Variants in FBXL5 observed in about 807,000 individuals in gnomAD.
FBXL5 encodes F-box/LRR-repeat protein 5.
In FBXL5, 26 loss-of-function variants were observed where a neutral mutation model predicts 78.3. The ratio of observed to expected loss-of-function variants is 0.33; its 90% CI spans 0.24 to 0.46. The LOEUF (loss-of-function observed/expected upper bound fraction) is 0.46, where lower values mean the gene tolerates loss of function less well. Among genes scored for constraint, FBXL5 ranks in the 20% least tolerant of loss-of-function variants. The pLI is 1.00. For missense variants in FBXL5, 710 were observed against 829.2 expected, an observed-to-expected ratio of 0.86 and a Z score of 1.77; for synonymous variants, 295 against 282.5, an observed-to-expected ratio of 1.04 and a Z score of -0.45.
intron 5 of FBXL5, among the ~76,000 whole-genome samples, chr4:15,635,528 TG>T (rs1314794529): frequency 6.6e-6 from 1 of 151,958 alleles, no homozygotes; most frequent in African/African-American, 2.4e-5. Flanking sequence ...CCAAGGCAGG[TG>T]GATCACCAGA....
At chr4:15,643,906 T>A (rs1351696409) in intron 2 of FBXL5, among the ~76,000 whole-genome samples, 2 of 152,204 alleles carry the variant, frequency 1.3e-5, no homozygotes, top group Non-Finnish European at 2.9e-5. Flanking sequence ...GTGAGTAGCA[T>A]TCATTATAAA....
chr4:15,681,482 G>T, exon 1 of FBXL5: 1 of 165,380 alleles, frequency 6.0e-6, no homozygotes, highest in South Asian at 1.8e-4. Context: ...ACTCTGTCCG[G>T]ACTAGCCCTG....
At chr4:15,654,699 C>T (rs1021527404) in intron 1 of FBXL5, among the ~76,000 whole-genome samples, 2 of 152,184 alleles carry the variant, frequency 1.3e-5, no homozygotes, top group Non-Finnish European at 2.9e-5. Context: ...CAGTTCCAGC[C>T]AGGAAGCCAG....
intron 6 of FBXL5, among the ~76,000 whole-genome samples, chr4:15,629,474 C>T (rs1206008145): frequency 6.6e-6 from 1 of 152,054 alleles, no homozygotes; most frequent in African/African-American, 2.4e-5. Context: ...GCATGTTTTC[C>T]TTGTCTTATT....
chr4:15,642,828 T>G (rs1381968606), intron 2 of FBXL5, among the ~76,000 whole-genome samples: 2 of 152,210 alleles, frequency 1.3e-5, no homozygotes, highest in Non-Finnish European at 2.9e-5. Context: ...AGTTCAAACC[T>G]AATCTGTCAA....
chr4:15,644,774 C>A, intron 1 of FBXL5, 66 bp from the exon 2 acceptor site: 1 of 1,136,932 alleles, frequency 8.8e-7, no homozygotes, highest in South Asian at 1.4e-5. Context: ...AAAAAATATT[C>A]AAATACATCC....
intron 1 of FBXL5, among the ~76,000 whole-genome samples, chr4:15,666,658 T>C (rs1337275475): frequency 6.6e-6 from 1 of 151,950 alleles, no homozygotes; most frequent in African/African-American, 2.4e-5. Flanking sequence ...TAGTGAGACC[T>C]TGTCTCTACT....
At chr4:15,660,782 A>G (rs1171262256), upstream of FBXL5, among the ~76,000 whole-genome samples, 1 of 152,224 alleles carries the variant, frequency 6.6e-6, no homozygotes, top group Non-Finnish European at 1.5e-5. Context: ...CAGATAAGTC[A>G]GTCTAGAGTT....
chr4:15,635,326 A>G (rs1714140586), intron 5 of FBXL5, among the ~76,000 whole-genome samples: 1 of 150,902 alleles, frequency 6.6e-6, no homozygotes, highest in East Asian at 1.9e-4. Context: ...GTAAAACCCC[A>G]TCTCAAAAAA....
At chr4:15,619,062 G>T (rs529812145) in intron 9 of FBXL5, among the ~76,000 whole-genome samples, 1 of 152,216 alleles carries the variant, frequency 6.6e-6, no homozygotes, top group Non-Finnish European at 1.5e-5. Context: ...GGTGGGGCAG[G>T]GGGGTGCTGA....
chr4:15,635,988 A>G (rs537899141), intron 5 of FBXL5, among the ~76,000 whole-genome samples: 5 of 152,232 alleles, frequency 3.3e-5, no homozygotes, highest in Admixed American at 3.3e-4. Context: ...GGTCAAAGGC[A>G]AAAACAGATT....
intron 10 of FBXL5, among the ~76,000 whole-genome samples, chr4:15,607,295 G>A (rs566377084): frequency 6.6e-4 from 101 of 152,202 alleles, no homozygotes; most frequent in African/African-American, 2.3e-3. Flanking sequence ...ATAACAGGAA[G>A]TTTAAAATTA....
At chr4:15,622,851 ATTT>A (rs952129108) in intron 9 of FBXL5, among the ~76,000 whole-genome samples, 2 of 152,112 alleles carry the variant, frequency 1.3e-5, no homozygotes, top group African/African-American at 4.8e-5. Flanking sequence ...CCCAAAATGA[ATTT>A]TTCCTTCAAT....
chr4:15,669,040 C>A (rs1042120075), intron 1 of FBXL5, among the ~76,000 whole-genome samples: 2 of 152,140 alleles, frequency 1.3e-5, no homozygotes, highest in Admixed American at 6.5e-5. Context: ...GTAGGAAGAT[C>A]GGTTAGTACA....
intron 5 of FBXL5, among the ~76,000 whole-genome samples, chr4:15,632,119 C>T (rs1713731344): frequency 6.6e-6 from 1 of 152,156 alleles, no homozygotes; most frequent in South Asian, 2.1e-4. Flanking sequence ...GATCCAGTTT[C>T]AGCTATCTAC....
chr4:15,679,491 C>G (rs528954117), intron 1 of FBXL5, among the ~76,000 whole-genome samples: 6 of 145,758 alleles, frequency 4.1e-5, no homozygotes, highest in African/African-American at 1.5e-4. Context: ...ATTTTGATCA[C>G]AAGAGATTTT....
intron 6 of FBXL5, 67 bp from the exon 7 acceptor site, chr4:15,628,100 A>G: frequency 6.9e-7 from 1 of 1,455,410 alleles, no homozygotes; most frequent in Non-Finnish European, 9.4e-7. Flanking sequence ...TCAAGCGCTC[A>G]CCAAATTGTT....
intron 1 of FBXL5, among the ~76,000 whole-genome samples, chr4:15,666,023 TA>T (rs201861584): frequency 8.2e-4 from 121 of 148,148 alleles, no homozygotes; most frequent in African/African-American, 1.8e-3. Flanking sequence ...AACCTTTTTT[TA>T]AAAAAAAAAA....
intron 1 of FBXL5, among the ~76,000 whole-genome samples, chr4:15,648,725 G>A (rs974718134): frequency 6.6e-6 from 1 of 152,066 alleles, no homozygotes; most frequent in Admixed American, 6.6e-5. Flanking sequence ...GAGAAAATGG[G>A]GAGATGCTGA....
Sources: allele counts gnomAD v4.1 joint callset (sites outside exome capture counted in the v4.1 genomes callset), GRCh38; gene constraint gnomAD v4.1.1; transcripts MANE v1.5; gene names NCBI Gene and HGNC (gene_info 2026-07-23, HGNC 2026-07-21).